AGMO: variants seen among roughly 807,000 people sequenced by gnomAD.
AGMO encodes glyceryl-ether monooxygenase.
In AGMO, 75 loss-of-function variants were observed where a neutral mutation model predicts 60.2. The ratio of observed to expected loss-of-function variants is 1.25; its 90% CI spans 1.03 to 1.51. The LOEUF (loss-of-function observed/expected upper bound fraction) is 1.51. Among genes scored for constraint, AGMO ranks in the 40% most tolerant of loss-of-function variants. The pLI is 0.00. For missense variants in AGMO, 763 were observed against 525.5 expected (o/e 1.45, Z -4.42); for synonymous variants, 261 against 177.1 (o/e 1.47, Z -3.76).
chr7:15,308,528 T>C (rs1047775398), intron 12 of AGMO, among the ~76,000 whole-genome samples: 2 of 152,116 alleles, frequency 1.3e-5, no homozygotes, highest in Non-Finnish European at 1.5e-5. Flanking sequence ...ATTAACTCAT[T>C]TGCTTGTCAT....
At chr7:15,227,242 C>T (rs929394750) in intron 12 of AGMO, among the ~76,000 whole-genome samples, 7 of 151,810 alleles carry the variant, frequency 4.6e-5, no homozygotes, top group Non-Finnish European at 7.4e-5. Context: ...TGAGTATCAG[C>T]CAATCACATC....
intron 12 of AGMO, among the ~76,000 whole-genome samples, chr7:15,268,619 G>A (rs935274623): frequency 6.6e-6 from 1 of 151,956 alleles, no homozygotes; most frequent in Non-Finnish European, 1.5e-5. Context: ...GATACATTGA[G>A]TGTGGAAATT....
intron 3 of AGMO, among the ~76,000 whole-genome samples, chr7:15,496,205 T>C (rs1295604995): frequency 6.6e-6 from 1 of 151,946 alleles, no homozygotes; most frequent in Non-Finnish European, 1.5e-5. Flanking sequence ...CTTGAGAGGG[T>C]GACACCACAG....
At chr7:15,362,880 C>T (rs1782819608) in intron 12 of AGMO, among the ~76,000 whole-genome samples, 1 of 152,176 alleles carries the variant, frequency 6.6e-6, no homozygotes, top group South Asian at 2.1e-4. Context: ...TGAGTATTAT[C>T]ATCATTACAT....
chr7:15,166,365 T>C, the AGMO span, among the ~76,000 whole-genome samples: 1 of 152,092 alleles, frequency 6.6e-6, no homozygotes, highest in African/African-American at 2.4e-5. Context: ...GCTGGGTGTG[T>C]GGTATATTCA....
chr7:15,315,727 T>G (rs1382261867), intron 12 of AGMO, among the ~76,000 whole-genome samples: 1 of 152,130 alleles, frequency 6.6e-6, no homozygotes, highest in Non-Finnish European at 1.5e-5. Context: ...ATAAATGAGT[T>G]ACTCTGGTTG....
At chr7:15,155,419 C>CTTTT in the AGMO span, among the ~76,000 whole-genome samples, 47 of 63,930 alleles carry the variant, frequency 7.4e-4, 4 homozygotes, top group Middle Eastern at 0.017. Flanking sequence ...TACAGAATTT[C>CTTTT]TTTTTTTTTT....
At position 15,532,346 on chromosome 7, in the gene AGMO, G is replaced by C. The variant is rs1036274559; in HGVS notation, c.409+12426C>G. On this transcript the variant is annotated intron_variant, in intron 3 of 12. Coordinates refer to ENST00000342526, the MANE Select transcript of AGMO (RefSeq NM_001004320.2). ...AAAGCCCATAGGCTCTGAGATTAACGGCCTTGGGCCAATGTATTAAGGCTC... is the reference window on the plus strand; with the variant it reads ...AAAGCCCATAGGCTCTGAGATTAACCGCCTTGGGCCAATGTATTAAGGCTC... Among the ~76,000 whole-genome samples the C allele has an allele frequency of 2.0e-5, 3 of 152,230 alleles. No homozygotes were observed. In the South Asian group the frequency reaches 6.2e-4, roughly 32 times the overall value.
rs1554422462 is a variant in AGMO, at chr7:15,354,309, T to TATACGTACGCGTGTATAC, written c.1263+11204_1263+11205insGTATACACGCGTACGTAT. Among the ~76,000 whole-genome samples, 34 of 67,298 alleles carry TATACGTACGCGTGTATAC rather than the reference T, an allele frequency of 5.1e-4. 1 individual carries two copies. The highest frequency in any genetic ancestry group is 6.6e-4 in the Non-Finnish European group (25 of 38,134). 44.2% of individuals were successfully genotyped at this position (67,298 alleles called of 152,430 possible). ...AATGAGATAAATATATATACGTGTATACACGCGTGTATATACGTACGCGTG... is the reference window on the plus strand; with the variant it reads ...AATGAGATAAATATATATACGTGTATATACGTACGCGTGTATACACACGCGTGTATATACGTACGCGTG... On this transcript the variant is annotated intron_variant, in intron 12 of 12. Coordinates refer to ENST00000342526, the MANE Select transcript of AGMO (RefSeq NM_001004320.2).
chr7:15,527,025 C>G (rs1784146149), intron 3 of AGMO, among the ~76,000 whole-genome samples: 1 of 152,124 alleles, frequency 6.6e-6, no homozygotes, highest in African/African-American at 2.4e-5. Flanking sequence ...TTCTCTCTCT[C>G]ATTGTGCCTC....
chr7:15,531,163 A>T (rs1165217947), intron 3 of AGMO, among the ~76,000 whole-genome samples: 1 of 39,544 alleles, frequency 2.5e-5, no homozygotes, highest in Non-Finnish European at 4.3e-5. Context: ...TATATATTCT[A>T]TATATATATT....
the AGMO span, among the ~76,000 whole-genome samples, chr7:15,118,431 G>T: frequency 6.6e-6 from 1 of 152,002 alleles, no homozygotes; most frequent in Non-Finnish European, 1.5e-5. Flanking sequence ...TTTTTACTTA[G>T]ACAGAGAGTT....
the AGMO span, among the ~76,000 whole-genome samples, chr7:15,119,681 C>T: frequency 1.3e-5 from 2 of 152,084 alleles, no homozygotes; most frequent in South Asian, 2.1e-4. Context: ...AATACATGAC[C>T]AGAAACCTCA....
the AGMO span, among the ~76,000 whole-genome samples, chr7:15,131,615 T>A: frequency 6.6e-6 from 1 of 152,040 alleles, no homozygotes; most frequent in Admixed American, 6.6e-5. Context: ...GTTCCACAAA[T>A]AGTACATGAT....
chr7:15,140,783 T>G, the AGMO span, among the ~76,000 whole-genome samples: 2 of 152,306 alleles, frequency 1.3e-5, no homozygotes, highest in African/African-American at 4.8e-5. Context: ...AATTGTTCCT[T>G]TCTACAATTT....
At chr7:15,363,485 G>A (rs1444269034) in intron 12 of AGMO, among the ~76,000 whole-genome samples, 1 of 152,154 alleles carries the variant, frequency 6.6e-6, no homozygotes, top group African/African-American at 2.4e-5. Flanking sequence ...AGCAAAGCAA[G>A]ACCAAGAATA....
chr7:15,132,090 G>C, the AGMO span, among the ~76,000 whole-genome samples: 1 of 152,054 alleles, frequency 6.6e-6, no homozygotes, highest in Admixed American at 6.6e-5. Flanking sequence ...GGGTGCATAA[G>C]GGATTTGAAG....
chr7:15,370,870 CT>C (rs2128564907), intron 10 of AGMO, among the ~76,000 whole-genome samples: 1 of 152,192 alleles, frequency 6.6e-6, no homozygotes, highest in African/African-American at 2.4e-5. Flanking sequence ...GTTTCTTTTG[CT>C]GTGCAGAAGC....
At chr7:15,194,839 AT>A in the AGMO span, among the ~76,000 whole-genome samples, 1 of 152,170 alleles carries the variant, frequency 6.6e-6, no homozygotes, top group South Asian at 2.1e-4. Context: ...ATGATCTCCA[AT>A]ACCCCCTGTC....
Sources: gnomAD v4.1 joint callset for allele counts (sites outside exome capture counted in the v4.1 genomes callset) on GRCh38, gnomAD v4.1.1 for gene constraint, MANE v1.5 for transcripts, NCBI Gene and HGNC (gene_info 2026-07-23, HGNC 2026-07-21) for gene names.